The following SLC24A2 variants were observed in gnomAD, a reference collection of about 807,000 sequenced individuals.
SLC24A2 encodes solute carrier family 24 member 2, also known as sodium/potassium/calcium exchanger 2.
SLC24A2 carries 36 observed loss-of-function variants against 62.0 expected under a neutral mutation model. That is an observed-to-expected ratio of 0.58 (90% CI 0.44 to 0.77). The LOEUF (loss-of-function observed/expected upper bound fraction) is 0.77. Ranked by LOEUF, SLC24A2 falls within the 30% of genes least tolerant of loss-of-function variation. The pLI is 0.00. For synonymous variants in SLC24A2, 358 were observed against 294.0 expected, an observed-to-expected ratio of 1.22 and a Z score of -2.23; for missense variants, 846 against 817.9, an observed-to-expected ratio of 1.03 and a Z score of -0.42.
chr9:19,972,508 A>C, the SLC24A2 span, among the ~76,000 whole-genome samples: 1 of 152,184 alleles, frequency 6.6e-6, no homozygotes, highest in African/African-American at 2.4e-5. Context: ...TTTTATCCTT[A>C]AAGATCAGTG....
At chr9:19,518,732 T>A (rs1485460850) in intron 10 of SLC24A2, among the ~76,000 whole-genome samples, 1 of 152,178 alleles carries the variant, frequency 6.6e-6, no homozygotes, top group Admixed American at 6.5e-5. Context: ...CTTATTTTTA[T>A]TTTCTAAATC....
chr9:19,651,757 G>T (rs74435991), intron 2 of SLC24A2, among the ~76,000 whole-genome samples: 1,001 of 152,260 alleles, frequency 6.6e-3, no homozygotes, highest in Non-Finnish European at 0.01. Context: ...GATTAGGATT[G>T]AGGGCCCTAA....
the SLC24A2 span, among the ~76,000 whole-genome samples, chr9:19,917,524 ATC>A: frequency 6.6e-6 from 1 of 151,656 alleles, no homozygotes; most frequent in East Asian, 1.9e-4. Flanking sequence ...AACATCATCA[ATC>A]TCTCTATTTT....
chr9:20,044,132 T>G, the SLC24A2 span, among the ~76,000 whole-genome samples: 1 of 152,114 alleles, frequency 6.6e-6, no homozygotes, highest in African/African-American at 2.4e-5. Context: ...TTTTTAGCAG[T>G]AAAGTATTTT....
intron 5 of SLC24A2, among the ~76,000 whole-genome samples, chr9:19,592,078 C>T (rs1836568982): frequency 6.6e-6 from 1 of 152,148 alleles, no homozygotes; most frequent in African/African-American, 2.4e-5. Context: ...CAACTAAGAA[C>T]ATCAAATGAT....
the SLC24A2 span, among the ~76,000 whole-genome samples, chr9:20,111,029 G>A: frequency 2.6e-5 from 4 of 152,136 alleles, no homozygotes; most frequent in African/African-American, 7.2e-5. Context: ...TATGTTTAAA[G>A]CACCTGTGAA....
In SLC24A2 at chr9:19,642,749, C is replaced by A. The variant is rs10435775; in HGVS notation, c.931-20450G>T. On this transcript the variant is annotated intron_variant, in intron 2 of 10. Transcript: ENST00000341998. ...AGTCTGGACTGCAGTGGCACTATCT[C>A]GGCTCACTGCAAGCTCCGCCTCCCG... 0.01 allele frequency among the ~76,000 whole-genome samples: 1,349 copies of A among 133,842 alleles called. 44 individuals carry two copies. The East Asian group carries it at 0.15, about 15-fold the overall frequency. 87.8% of individuals were successfully genotyped at this position (133,842 alleles called of 152,430 possible).
chr9:19,881,846 C>A, the SLC24A2 span, among the ~76,000 whole-genome samples: 2 of 152,146 alleles, frequency 1.3e-5, no homozygotes, highest in East Asian at 1.9e-4. Flanking sequence ...AAGTGGTTGG[C>A]AATTTTGGTT....
intron 2 of SLC24A2, among the ~76,000 whole-genome samples, chr9:19,636,181 G>C (rs887252701): frequency 5.3e-5 from 8 of 151,956 alleles, no homozygotes; most frequent in African/African-American, 1.9e-4. Context: ...CTGCTGTTTG[G>C]TATTGGCTTA....
chr9:19,548,725 C>G (rs375819794), intron 8 of SLC24A2, among the ~76,000 whole-genome samples: 1 of 152,204 alleles, frequency 6.6e-6, no homozygotes, highest in Admixed American at 6.5e-5. Flanking sequence ...CCACAATGCT[C>G]TCCTCCCTGT....
chr9:19,705,860 GTC>G (rs1820499077), intron 2 of SLC24A2, among the ~76,000 whole-genome samples: 1 of 152,054 alleles, frequency 6.6e-6, no homozygotes, highest in Non-Finnish European at 1.5e-5. Context: ...CAACTATGTG[GTC>G]AATTTTGGAA....
intron 2 of SLC24A2, among the ~76,000 whole-genome samples, chr9:19,749,752 C>G (rs1821930339): frequency 1.3e-5 from 2 of 152,186 alleles, no homozygotes; most frequent in South Asian, 4.1e-4. Flanking sequence ...ACTTACCTAG[C>G]ATCTCATATT....
the SLC24A2 span, among the ~76,000 whole-genome samples, chr9:20,107,879 A>G: frequency 2.0e-5 from 3 of 152,346 alleles, no homozygotes; most frequent in East Asian, 5.8e-4. Context: ...TCAGCACAGC[A>G]AAAGAAACTA....
chr9:20,171,276 A>C, the SLC24A2 span, among the ~76,000 whole-genome samples: 3 of 150,466 alleles, frequency 2.0e-5, no homozygotes, highest in Non-Finnish European at 3.0e-5. Context: ...TTTAAGCATA[A>C]ATCTCACAGG....
At chr9:20,107,871 A>T in the SLC24A2 span, among the ~76,000 whole-genome samples, 16 of 152,224 alleles carry the variant, frequency 1.1e-4, no homozygotes, top group African/African-American at 2.4e-4. Flanking sequence ...AAAGAGCTTC[A>T]GCACAGCAAA....
the SLC24A2 span, among the ~76,000 whole-genome samples, chr9:20,189,142 G>A: frequency 1.8e-4 from 27 of 148,938 alleles, no homozygotes; most frequent in African/African-American, 1.0e-4. Flanking sequence ...TGCTTCCTTC[G>A]GGATGTTGGT....
At chr9:19,843,071 A>G in the SLC24A2 span, among the ~76,000 whole-genome samples, 3 of 152,208 alleles carry the variant, frequency 2.0e-5, no homozygotes, top group African/African-American at 7.2e-5. Context: ...GTGCCAGTCC[A>G]TGAACAATGC....
At chr9:20,183,788 G>C in the SLC24A2 span, among the ~76,000 whole-genome samples, 10 of 152,334 alleles carry the variant, frequency 6.6e-5, 1 homozygote, top group African/African-American at 2.2e-4. Flanking sequence ...CCTAGAGGGA[G>C]AGAGGGAAAG....
the SLC24A2 span, among the ~76,000 whole-genome samples, chr9:20,158,642 A>T: frequency 2.6e-5 from 4 of 151,734 alleles, no homozygotes; most frequent in Admixed American, 6.6e-5. Context: ...TAAAAAGAAT[A>T]AGACAGACAT....
Sources: gnomAD v4.1 joint callset for allele counts (sites outside exome capture counted in the v4.1 genomes callset) on GRCh38, gnomAD v4.1.1 for gene constraint, MANE v1.5 for transcripts, NCBI Gene and HGNC (gene_info 2026-07-23, HGNC 2026-07-21) for gene names.